EPB41L5: variants seen among roughly 807,000 people sequenced by gnomAD.
EPB41L5 encodes the protein erythrocyte membrane protein band 4.1 like 5.
In EPB41L5, 55 loss-of-function variants were observed where a neutral mutation model predicts 106.6. That is an observed-to-expected ratio of 0.52 (90% CI 0.42 to 0.65). EPB41L5 has a LOEUF of 0.65. EPB41L5 is among the 30% of genes least tolerant of loss of function. The probability of loss-of-function intolerance (pLI) is 0.00; values close to 1 mark genes in which losing one functional copy is unlikely to be tolerated. For missense variants in EPB41L5, 871 were observed against 882.1 expected, an observed-to-expected ratio of 0.99 and a Z score of 0.16; for synonymous variants, 297 against 306.7, an observed-to-expected ratio of 0.97 and a Z score of 0.33.
chr2:120,024,025 T>C (rs1385226739), intron 2 of EPB41L5, among the ~76,000 whole-genome samples: 2 of 152,330 alleles, frequency 1.3e-5, no homozygotes, highest in East Asian at 3.9e-4. Flanking sequence ...GCACATTGAT[T>C]TTGTATCCTG....
At chr2:120,067,111 A>G (rs1681495921) in intron 3 of EPB41L5, among the ~76,000 whole-genome samples, 1 of 152,248 alleles carries the variant, frequency 6.6e-6, no homozygotes, top group Admixed American at 6.5e-5. Context: ...TAGATGTCCA[A>G]CTGAATTTAT....
rs1254814419 is a variant in EPB41L5, at chr2:120,081,524, G to A, written c.803+2943G>A. On this transcript the variant is annotated intron_variant, in intron 10 of 24. Coordinates refer to ENST00000263713, the MANE Select transcript of EPB41L5 (RefSeq NM_020909.4). The stretch of plus-strand genomic sequence containing the variant: ...TTGGTTACTGTAGCCTTGTAATATA[G>A]TTTGAAGTCAGGTAGCGTAATGCCT... Among the ~76,000 whole-genome samples, 6 of 152,326 alleles carry A rather than the reference G, an allele frequency of 3.9e-5. No homozygotes were observed. In the South Asian group the frequency reaches 1.2e-3, roughly 32 times the overall value.
chr2:120,077,532 A>G (rs754240091), intron 9 of EPB41L5, among the ~76,000 whole-genome samples: 11 of 152,226 alleles, frequency 7.2e-5, no homozygotes, highest in Non-Finnish European at 1.3e-4. Flanking sequence ...CAACATCCCT[A>G]ACAAGGTACT....
chr2:120,096,863 T>G (rs932570374), intron 14 of EPB41L5, among the ~76,000 whole-genome samples: 3 of 152,174 alleles, frequency 2.0e-5, no homozygotes, highest in Non-Finnish European at 4.4e-5. Flanking sequence ...TTTTGTTTAT[T>G]TAATGTATTA....
At chr2:120,083,710 C>T (rs1267358498) in intron 10 of EPB41L5, among the ~76,000 whole-genome samples, 5 of 152,142 alleles carry the variant, frequency 3.3e-5, no homozygotes, top group African/African-American at 9.7e-5. Context: ...GTGTTAAAGT[C>T]TCCCACATTA....
At chr2:120,152,262 G>A (rs1364642521) in intron 20 of EPB41L5, among the ~76,000 whole-genome samples, 2 of 152,160 alleles carry the variant, frequency 1.3e-5, no homozygotes, top group Non-Finnish European at 2.9e-5. Context: ...TTCTGCATCA[G>A]TTGAGATGCT....
rs1027213242 is a variant in EPB41L5, at chr2:120,161,042, C to G, written c.1887+68C>G. 83 of 1,105,192 alleles carry G rather than the reference C, an allele frequency of 7.5e-5. 1 individual carries two copies. In the Middle Eastern group the frequency reaches 7.9e-4, roughly 10 times the overall value. The allele number at this position is 1,105,192 out of a possible 1,614,324, so 68.5% of individuals were successfully genotyped here. On this transcript the variant is annotated intron_variant, in intron 21 of 24. Transcript: ENST00000263713. Reference sequence around the variant, plus strand: ...TTTGAATTGAATCTTGCAGTATAACCAAGGGCATCTAGTGATTACTGAGTG... The same window carrying G: ...TTTGAATTGAATCTTGCAGTATAACGAAGGGCATCTAGTGATTACTGAGTG...
intron 2 of EPB41L5, 92 bp from the exon 3 acceptor site, chr2:120,041,914 C>T: frequency 1.2e-6 from 1 of 859,998 alleles, no homozygotes; most frequent in East Asian, 2.6e-5. Context: ...CTCCTTTCTT[C>T]AAGAGATCTT....
intron 14 of EPB41L5, among the ~76,000 whole-genome samples, chr2:120,099,897 A>G (rs1308838677): frequency 6.6e-6 from 1 of 152,240 alleles, no homozygotes; most frequent in Non-Finnish European, 1.5e-5. Flanking sequence ...GAAGTGACAG[A>G]TAAGTTTATG....
intron 24 of EPB41L5, among the ~76,000 whole-genome samples, chr2:120,172,519 C>T (rs1280366877): frequency 1.3e-5 from 2 of 152,212 alleles, no homozygotes; most frequent in East Asian, 1.9e-4. Context: ...CCAGAGTTTT[C>T]CCAAACTATC....
Position 120,167,364 on chromosome 2 carries a change from C to T in EPB41L5, c.1963-102C>T, listed in dbSNP as rs976995381. 3.8e-5 allele frequency: 36 copies of T among 958,950 alleles called. 1 individual carries two copies. The highest frequency in any genetic ancestry group is 5.7e-5 in the Non-Finnish European group (35 of 614,202). The allele number at this position is 958,950 out of a possible 1,614,324, so 59.4% of individuals were successfully genotyped here. On this transcript the variant is annotated intron_variant, in intron 22 of 24. Coordinates refer to ENST00000263713, the MANE Select transcript of EPB41L5 (RefSeq NM_020909.4). ...AACACCATTAAGAATTAAGAATTGC[C>T]CTCCTAGAATGGATTTCATAATAGA...
At chr2:120,045,673 TTTTTA>T (rs1372153071) in intron 3 of EPB41L5, among the ~76,000 whole-genome samples, 1 of 152,186 alleles carries the variant, frequency 6.6e-6, no homozygotes, top group African/African-American at 2.4e-5. Context: ...TTTTTTAAAA[TTTTTA>T]TTATTATACT....
At chr2:120,083,622 G>A (rs191886979) in intron 10 of EPB41L5, among the ~76,000 whole-genome samples, 28 of 152,194 alleles carry the variant, frequency 1.8e-4, no homozygotes, top group African/African-American at 5.5e-4. Context: ...TATTAGTTCC[G>A]CTTGATGCAG....
chr2:120,019,976 G>A (rs538637875), intron 2 of EPB41L5, among the ~76,000 whole-genome samples: 2 of 152,034 alleles, frequency 1.3e-5, no homozygotes, highest in Admixed American at 1.3e-4. Context: ...GTTTGAAAGG[G>A]GTTAGCTTAT....
At chr2:120,090,320 C>T in intron 11 of EPB41L5, 27 bp from the exon 12 acceptor site, 2 of 1,550,668 alleles carry the variant, frequency 1.3e-6, no homozygotes, top group Non-Finnish European at 1.7e-6. Flanking sequence ...TAGTAATCAT[C>T]CTTTTATATA....
chr2:120,165,134 A>G (rs111951355), intron 22 of EPB41L5, among the ~76,000 whole-genome samples: 62 of 152,352 alleles, frequency 4.1e-4, no homozygotes, highest in African/African-American at 1.4e-3. Flanking sequence ...GCCTTTTATA[A>G]TTCAACATCA....
intron 22 of EPB41L5, among the ~76,000 whole-genome samples, chr2:120,165,838 C>A (rs1291529926): frequency 6.6e-6 from 1 of 151,922 alleles, no homozygotes; most frequent in African/African-American, 2.4e-5. Context: ...GGTGGTGGTG[C>A]ACACCTGTAG....
chr2:120,082,093 G>C (rs1012797775), intron 10 of EPB41L5, among the ~76,000 whole-genome samples: 5 of 152,034 alleles, frequency 3.3e-5, no homozygotes, highest in South Asian at 2.1e-4. Context: ...TAATTGAATA[G>C]CCTTTATTTC....
In EPB41L5 at chr2:120,131,684, G is replaced by A. The variant is rs764769438; in HGVS notation, c.1568G>A (p.Arg523Gln). Reference protein sequence around the residue: ...EMENSPLLSPRSNIDVNINSQ... With the variant: ...EMENSPLLSPQSNIDVNINSQ... The stretch of plus-strand genomic sequence containing the variant: ...GAGAACAGTCCTTTGCTGTCCCCTC[G>A]ATCCAACATCGATGTTAACATAAAC... Residue 523 changes from arginine to glutamine, a missense_variant, in exon 18 of 25, where the codon CGA becomes CAA. By Grantham distance (43) the Arg-to-Gln change is conservative (BLOSUM62 1). Transcript: ENST00000263713. 3.1e-5 allele frequency: 50 copies of A among 1,613,238 alleles called. No homozygotes were observed. The highest frequency in any genetic ancestry group is 2.2e-4 in the Admixed American group (13 of 59,954).
Sources: allele counts gnomAD v4.1 joint callset (sites outside exome capture counted in the v4.1 genomes callset), GRCh38; gene constraint gnomAD v4.1.1; transcripts MANE v1.5; gene names NCBI Gene and HGNC (gene_info 2026-07-23, HGNC 2026-07-21).